The following REDIC1 variants were observed in gnomAD, a reference collection of about 807,000 sequenced individuals.
REDIC1 encodes the protein HEI10 Interacting Protein 1.
At chr12:39,861,435 T>A in the REDIC1 span, among the ~76,000 whole-genome samples, 1 of 152,322 alleles carries the variant, frequency 6.6e-6, no homozygotes, top group Admixed American at 6.5e-5. Flanking sequence ...AACTGTATGC[T>A]TTAGGAAATA....
At chr12:39,700,394 TA>T in the REDIC1 span, among the ~76,000 whole-genome samples, 1 of 151,968 alleles carries the variant, frequency 6.6e-6, no homozygotes, top group African/African-American at 2.4e-5. Flanking sequence ...GAAAAAAGAA[TA>T]AAAAGCAACG....
At chr12:39,730,433 A>T in the REDIC1 span, among the ~76,000 whole-genome samples, 5 of 152,160 alleles carry the variant, frequency 3.3e-5, no homozygotes, top group Admixed American at 2.0e-4. Flanking sequence ...GTTTGGCTGG[A>T]TATGAAATTC....
At chr12:39,793,276 C>A in the REDIC1 span, among the ~76,000 whole-genome samples, 1 of 152,022 alleles carries the variant, frequency 6.6e-6, no homozygotes, top group Non-Finnish European at 1.5e-5. Context: ...AGAAATCTGA[C>A]AAAAGACGTG....
the REDIC1 span, among the ~76,000 whole-genome samples, chr12:39,748,024 G>A: frequency 2.6e-5 from 4 of 152,196 alleles, no homozygotes; most frequent in Non-Finnish European, 4.4e-5. Context: ...ATCAACTAAC[G>A]AGCAAAATAA....
chr12:39,822,144 C>T, the REDIC1 span, among the ~76,000 whole-genome samples: 3 of 146,068 alleles, frequency 2.1e-5, no homozygotes, highest in South Asian at 2.2e-4. Flanking sequence ...TGTTCAATTC[C>T]CACCTATGAG....
chr12:39,778,602 GTTA>G, the REDIC1 span, among the ~76,000 whole-genome samples: 3 of 152,092 alleles, frequency 2.0e-5, no homozygotes, highest in African/African-American at 7.2e-5. Flanking sequence ...TCATTAAATA[GTTA>G]TTATTAACGT....
the REDIC1 span, among the ~76,000 whole-genome samples, chr12:39,685,567 C>G: frequency 9.1e-4 from 139 of 152,264 alleles, no homozygotes; most frequent in Non-Finnish European, 1.8e-3. Flanking sequence ...AGCCCCACCT[C>G]CAACACTCAG....
the REDIC1 span, among the ~76,000 whole-genome samples, chr12:39,739,489 T>A: frequency 6.6e-6 from 1 of 152,152 alleles, no homozygotes; most frequent in African/African-American, 2.4e-5. Flanking sequence ...CATGGTCTAA[T>A]AGGAGCTCCC....
the REDIC1 span, among the ~76,000 whole-genome samples, chr12:39,785,415 G>A: frequency 2.0e-5 from 3 of 152,302 alleles, no homozygotes; most frequent in African/African-American, 7.2e-5. Context: ...TGAGGTTTGG[G>A]AACTTCCACC....
At chr12:39,834,349 G>A in the REDIC1 span, among the ~76,000 whole-genome samples, 2 of 151,968 alleles carry the variant, frequency 1.3e-5, no homozygotes, top group African/African-American at 4.8e-5. Flanking sequence ...ATCCATATCT[G>A]TCCTCACCTC....
chr12:39,742,914 A>T, the REDIC1 span, among the ~76,000 whole-genome samples: 3 of 152,338 alleles, frequency 2.0e-5, no homozygotes, highest in South Asian at 4.1e-4. Context: ...CGTGGGAAAC[A>T]GTGCCTGGAT....
chr12:39,790,231 T>C, the REDIC1 span, among the ~76,000 whole-genome samples: 20 of 152,082 alleles, frequency 1.3e-4, no homozygotes, highest in South Asian at 3.7e-3. Flanking sequence ...TCTTCTTTTT[T>C]TATTATACTT....
chr12:39,786,122 G>C, the REDIC1 span, among the ~76,000 whole-genome samples: 1 of 152,226 alleles, frequency 6.6e-6, no homozygotes, highest in Admixed American at 6.5e-5. Flanking sequence ...GAGGGGCCAG[G>C]GGCGGAATGA....
At chr12:39,744,961 C>T in the REDIC1 span, among the ~76,000 whole-genome samples, 7 of 152,146 alleles carry the variant, frequency 4.6e-5, no homozygotes, top group South Asian at 2.1e-4. Flanking sequence ...TTCAATATAA[C>T]GATACATATA....
At chr12:39,630,714 A>G in the REDIC1 span, among the ~76,000 whole-genome samples, 1 of 152,244 alleles carries the variant, frequency 6.6e-6, no homozygotes, top group Admixed American at 6.5e-5. Flanking sequence ...CAAGGACAAA[A>G]GAAGGTTCGA....
the REDIC1 span, chr12:39,864,794 C>T: frequency 1.3e-5 from 21 of 1,613,730 alleles, no homozygotes; most frequent in Middle Eastern, 1.6e-4. Context: ...TCTGACCTGA[C>T]GGAGCTATTG....
chr12:39,896,109 T>C, the REDIC1 span, among the ~76,000 whole-genome samples: 3 of 149,286 alleles, frequency 2.0e-5, no homozygotes, highest in Admixed American at 1.3e-4. Context: ...TGTATACATA[T>C]ATGAATGCAT....
chr12:39,770,196 G>A, the REDIC1 span, among the ~76,000 whole-genome samples: 6 of 151,992 alleles, frequency 3.9e-5, no homozygotes, highest in African/African-American at 1.4e-4. Flanking sequence ...CTAATTTTAG[G>A]ACTTTATAAT....
At chr12:39,675,731 G>A in the REDIC1 span, among the ~76,000 whole-genome samples, 1 of 152,144 alleles carries the variant, frequency 6.6e-6, no homozygotes, top group Non-Finnish European at 1.5e-5. Context: ...ATTGGAGCAG[G>A]TGCTGGTATC....
Sources: allele counts gnomAD v4.1 joint callset (sites outside exome capture counted in the v4.1 genomes callset), GRCh38; gene constraint gnomAD v4.1.1; transcripts MANE v1.5; gene names NCBI Gene and HGNC (gene_info 2026-07-23, HGNC 2026-07-21).